The following NADK2 variants were observed in gnomAD, a reference collection of about 807,000 sequenced individuals.
NADK2 encodes NAD kinase domain-containing protein 1, mitochondrial.
NADK2 carries 35 observed loss-of-function variants against 62.1 expected under a neutral mutation model. The ratio of observed to expected loss-of-function variants is 0.56; its 90% confidence interval spans 0.43 to 0.75. NADK2 has a LOEUF of 0.75. Ranked by LOEUF, NADK2 falls within the 30% of genes least tolerant of loss-of-function variation. The pLI is 0.00. For missense variants in NADK2, 439 were observed against 561.3 expected (o/e 0.78, Z 2.20); for synonymous variants, 205 against 207.9 (o/e 0.99, Z 0.12).
At chr5:36,217,000 A>C (rs908149687) in intron 6 of NADK2, among the ~76,000 whole-genome samples, 2 of 152,132 alleles carry the variant, frequency 1.3e-5, no homozygotes, top group African/African-American at 4.8e-5. Context: ...CTATTAAGCT[A>C]TAAGTCACCA....
chr5:36,198,746 T>C (rs932546413), intron 10 of NADK2, among the ~76,000 whole-genome samples: 1 of 151,642 alleles, frequency 6.6e-6, no homozygotes, highest in African/African-American at 2.4e-5. Context: ...TTGATACAGA[T>C]TTACTGCTGG....
intron 4 of NADK2, 146 bp downstream of exon 4, chr5:36,225,396 G>C: frequency 1.6e-6 from 1 of 622,782 alleles, no homozygotes; most frequent in Non-Finnish European, 2.7e-6. Flanking sequence ...ACATGGTCAA[G>C]AAAATAAAAA....
At position 36,193,127 on chromosome 5, in the gene NADK2, T is replaced by G. The variant is rs1403773711; in HGVS notation, c.*2017A>C. ...TTAATATGTTACATATTAACAGATC[T>G]ATTTGGACAATCAGATTTCCTTGAG... On this transcript the variant is annotated 3_prime_UTR_variant, in exon 12 of 12. Transcript: ENST00000381937. 3 of 152,208 alleles carry G rather than the reference T, an allele frequency of 2.0e-5. No individual in the cohort carries two copies. 9.4% of individuals were successfully genotyped at this position (152,208 alleles called of 1,614,324 possible).
intron 1 of NADK2, among the ~76,000 whole-genome samples, chr5:36,235,445 T>C (rs1366304185): frequency 1.3e-5 from 2 of 152,160 alleles, no homozygotes; most frequent in Non-Finnish European, 2.9e-5. Context: ...TTCTAAAAAT[T>C]ATGTGAGAAA....
intron 1 of NADK2, among the ~76,000 whole-genome samples, chr5:36,230,802 A>G (rs1747681296): frequency 5.2e-4 from 1 of 1,934 alleles, no homozygotes; most frequent in South Asian, 0.083. Context: ...TCTAAAAAAA[A>G]TTCATCTAAA....
chr5:36,202,389 C>G (rs1197575679), intron 8 of NADK2, among the ~76,000 whole-genome samples: 2 of 152,012 alleles, frequency 1.3e-5, no homozygotes, highest in African/African-American at 4.8e-5. Context: ...CTAATTGAAA[C>G]ATATGGTGAT....
chr5:36,241,591 G>A lies in NADK2; in HGVS notation c.208C>T (p.Arg70Trp). 3 of 1,523,928 alleles carry A rather than the reference G, an allele frequency of 2.0e-6. No homozygotes were observed. The highest frequency in any genetic ancestry group is 1.7e-6 in the Non-Finnish European group (2 of 1,145,880). The allele number at this position is 1,523,928 out of a possible 1,614,324, so 94.4% of individuals were successfully genotyped here. A position where few individuals can be genotyped will look rare whatever the true frequency, so the allele number is the denominator to read the frequency against. ...GTGGTTTTGGCCACCACCACCACCC[G>A]GGAGGGGCGGAAGCCGCCGTCCGCG... is the stretch of plus-strand genomic sequence containing the variant. ...SRADGGFRPS[R>W]VVVVAKTTRY... The change falls in exon 1 of 12, where the codon CGG becomes TGG. Residue 70 changes from arginine to tryptophan, a missense_variant. Transcript: ENST00000381937. The surrounding 1 kb of genome is among the most constrained non-coding windows in gnomAD (Gnocchi z 4.9).
intron 1 of NADK2, among the ~76,000 whole-genome samples, chr5:36,237,135 G>A (rs1045080944): frequency 1.1e-4 from 17 of 152,136 alleles, no homozygotes; most frequent in African/African-American, 1.7e-4. Context: ...AACTTTATAT[G>A]CACAAGGCTT....
chr5:36,204,327 G>A (rs1411453408), intron 8 of NADK2, among the ~76,000 whole-genome samples: 4 of 152,136 alleles, frequency 2.6e-5, no homozygotes, highest in African/African-American at 4.8e-5. Context: ...GTACATAGTT[G>A]TAAAGCTAGT....
intron 1 of NADK2, among the ~76,000 whole-genome samples, chr5:36,236,944 C>T (rs1747933748): frequency 1.3e-5 from 2 of 148,890 alleles, no homozygotes; most frequent in Non-Finnish European, 3.0e-5. Context: ...CAAAAGTAGA[C>T]ACATAGACAC....
chr5:36,211,564 A>AT (rs1318892692), intron 7 of NADK2, among the ~76,000 whole-genome samples: 32 of 151,844 alleles, frequency 2.1e-4, no homozygotes, highest in Admixed American at 1.2e-3. Flanking sequence ...CAAAAAAAAA[A>AT]AATAATAAAG....
In NADK2 at chr5:36,211,789, T is replaced by C. The variant is rs1489801527; in HGVS notation, c.860+55A>G. On this transcript the variant is annotated intron_variant, in intron 7 of 11. Coordinates refer to ENST00000381937, the MANE Select transcript of NADK2 (RefSeq NM_001085411.3). ...CCAGGTTGTAGAAACTGAATAAATA[T>C]CCAAAAGCACTAAAACATTAAATTC... 1.5e-5 allele frequency: 22 copies of C among 1,439,664 alleles called. No homozygotes were observed. In the East Asian group the frequency reaches 2.5e-4, roughly 16 times the overall value. 89.2% of individuals were successfully genotyped at this position (1,439,664 alleles called of 1,614,324 possible).
chr5:36,215,909 A>G (rs1747025155), intron 6 of NADK2, among the ~76,000 whole-genome samples: 1 of 152,172 alleles, frequency 6.6e-6, no homozygotes, highest in African/African-American at 2.4e-5. Context: ...ATGAGGCGCC[A>G]GTATCTCTTT....
intron 6 of NADK2, chr5:36,212,920 A>C (rs1048516239): frequency 6.6e-6 from 1 of 152,192 alleles, no homozygotes; most frequent in Non-Finnish European, 1.5e-5. Context: ...TGACCAACAG[A>C]ATATGGCAGC....
chr5:36,240,269 A>C (rs1748057955), intron 1 of NADK2, among the ~76,000 whole-genome samples: 1 of 152,226 alleles, frequency 6.6e-6, no homozygotes, highest in Admixed American at 6.5e-5. Context: ...AAATCTACAC[A>C]TCTAGACTCC....
intron 7 of NADK2, among the ~76,000 whole-genome samples, chr5:36,211,012 A>T (rs1746819909): frequency 6.6e-6 from 1 of 152,060 alleles, no homozygotes; most frequent in African/African-American, 2.4e-5. Flanking sequence ...TAAAAATAAA[A>T]CATTAATAAA....
chr5:36,200,988 AATT>A lies in NADK2; in HGVS notation c.1012+115_1012+117del, dbSNP rs1193038287. The A allele has an allele frequency of 3.9e-6, 3 of 768,734 alleles. No individual in the cohort carries two copies. The African/African-American group carries it at 5.4e-5, about 14-fold the overall frequency. 47.6% of individuals were successfully genotyped at this position (768,734 alleles called of 1,614,324 possible). Reference sequence around the variant, plus strand: ...GTGATATTGTGAAGAAAGAAAAAGAAATTAATGCATAGTATAAGGGTTTGGTAG... The same window carrying A: ...GTGATATTGTGAAGAAAGAAAAAGAAAATGCATAGTATAAGGGTTTGGTAG... On this transcript the variant is annotated intron_variant, in intron 9 of 11. Coordinates refer to ENST00000381937, the MANE Select transcript of NADK2 (RefSeq NM_001085411.3).
At chr5:36,207,068 A>C in intron 8 of NADK2, 102 bp downstream of exon 8, 1 of 890,364 alleles carries the variant, frequency 1.1e-6, no homozygotes, top group Non-Finnish European at 1.8e-6. Context: ...ACATAACACC[A>C]CCAGGACACC....
At chr5:36,231,653 G>T (rs1747713640) in intron 1 of NADK2, among the ~76,000 whole-genome samples, 1 of 152,132 alleles carries the variant, frequency 6.6e-6, no homozygotes, top group Non-Finnish European at 1.5e-5. Context: ...AGTGAGTACT[G>T]AAGTCCAATA....
Sources: gnomAD v4.1 joint callset for allele counts (sites outside exome capture counted in the v4.1 genomes callset) on GRCh38, gnomAD v4.1.1 for gene constraint, Gnocchi (gnomAD v3.1) non-coding constraint, MANE v1.5 for transcripts, NCBI Gene and HGNC (gene_info 2026-07-23, HGNC 2026-07-21) for gene names.